AHI1: variants seen among roughly 807,000 people sequenced by gnomAD.
AHI1 encodes the protein Abelson helper integration site 1.
Under a neutral mutation model 149.3 loss-of-function variants are expected in AHI1, and 123 were observed. The observed-to-expected ratio is 0.82, with a 90% CI of 0.71 to 0.96. AHI1 has a LOEUF of 0.96. AHI1 is among the 40% of genes least tolerant of loss of function. The probability of loss-of-function intolerance (pLI) is 0.00; values close to 1 mark genes in which losing one functional copy is unlikely to be tolerated. For synonymous variants in AHI1, 475 were observed against 459.8 expected, an observed-to-expected ratio of 1.03 and a Z score of -0.42; for missense variants, 1,439 against 1,422.7, an observed-to-expected ratio of 1.01 and a Z score of -0.18.
chr6:135,402,353 C>A (rs1327532136), intron 22 of AHI1, among the ~76,000 whole-genome samples: 1 of 152,120 alleles, frequency 6.6e-6, no homozygotes, highest in African/African-American at 2.4e-5. Context: ...TATATCCACA[C>A]CAAAACTTAT....
chr6:135,351,154 A>G (rs1057473667), intron 24 of AHI1, among the ~76,000 whole-genome samples: 3 of 152,058 alleles, frequency 2.0e-5, no homozygotes, highest in African/African-American at 4.8e-5. Flanking sequence ...CAAAAAAAAA[A>G]AAAGAAAGAA....
At chr6:135,476,339 C>T (rs891887747) in intron 5 of AHI1, among the ~76,000 whole-genome samples, 4 of 151,006 alleles carry the variant, frequency 2.6e-5, no homozygotes, top group African/African-American at 7.3e-5. Context: ...TTTTCTTTTA[C>T]ATTTAAAATT....
intron 23 of AHI1, among the ~76,000 whole-genome samples, chr6:135,364,484 C>T (rs530842592): frequency 0.011 from 1,606 of 149,228 alleles, 25 homozygotes; most frequent in African/African-American, 0.038. Context: ...ACTTCCCAGA[C>T]GGGGTGGCGG....
At chr6:135,462,391 T>C (rs13202279) in intron 8 of AHI1, among the ~76,000 whole-genome samples, 2 of 151,758 alleles carry the variant, frequency 1.3e-5, no homozygotes, top group Admixed American at 6.6e-5. Context: ...AGGAAAGAAG[T>C]GGTATTAGGC....
At chr6:135,483,493 C>A (rs4526212) in intron 5 of AHI1, among the ~76,000 whole-genome samples, 47,898 of 152,038 alleles carry the variant, frequency 0.32, 7,817 homozygotes, top group South Asian at 0.42. Context: ...AGGATAAAAT[C>A]AAGATAATAC....
intron 17 of AHI1, 64 bp from the exon 18 acceptor site, chr6:135,430,064 T>A (rs1192073123): frequency 8.3e-6 from 7 of 843,782 alleles, no homozygotes; most frequent in Admixed American, 7.9e-5. Flanking sequence ...TTTTTGGGGG[T>A]ACAAAATTAA....
Position 135,334,373 on chromosome 6 carries a change from T to C in AHI1, c.3166-11049A>G, listed in dbSNP as rs373343592. ...CTTGTGAAGACACAGCATGATGATG[T>C]CATCTATGAACCAGGAAATGAGCCC... On this transcript the variant is annotated intron_variant, in intron 24 of 28. Transcript: ENST00000265602. 7.9e-5 allele frequency among the ~76,000 whole-genome samples: 12 copies of C among 152,242 alleles called. 1 individual carries two copies. Among genetic ancestry groups the C allele is most frequent in the East Asian group, 1.9e-4 (1 of 5,160 alleles).
In AHI1 at chr6:135,285,092, G is replaced by A. The variant is rs1781539921; in HGVS notation, c.*553C>T. On this transcript the variant is annotated 3_prime_UTR_variant, in exon 29 of 29. Coordinates refer to ENST00000265602, the MANE Select transcript of AHI1 (RefSeq NM_001134831.2). ...CCATGTTGGTCAGGCTGGTGTTGTT[G>A]AACTCCTGACCTTAGGTGATCCACC... The A allele has an allele frequency of 6.5e-6, 1 of 154,770 alleles. No individual in the cohort carries two copies. Among genetic ancestry groups the A allele is most frequent in the African/African-American group, 2.4e-5 (1 of 41,408 alleles). The allele number at this position is 154,770 out of a possible 1,614,324, so 9.6% of individuals were successfully genotyped here.
At chr6:135,455,409 G>C (rs1241055029) in intron 10 of AHI1, among the ~76,000 whole-genome samples, 1 of 152,158 alleles carries the variant, frequency 6.6e-6, no homozygotes, top group Non-Finnish European at 1.5e-5. Flanking sequence ...TTTATGCTTT[G>C]TGAAATGGGT....
rs529980806 is a variant in AHI1, at chr6:135,439,024, T to A, written c.1913-526A>T. Among the ~76,000 whole-genome samples the A allele has an allele frequency of 1.5e-4, 23 of 152,310 alleles. 1 individual carries two copies. In the South Asian group the frequency reaches 1.7e-3, roughly 11 times the overall value. On this transcript the variant is annotated intron_variant, in intron 14 of 28. Coordinates refer to ENST00000265602, the MANE Select transcript of AHI1 (RefSeq NM_001134831.2). The stretch of plus-strand genomic sequence containing the variant: ...ATCAGACACACAAAGCACTGTGGTA[T>A]TTTACTATATGTTTAAACATACAAT...
At chr6:135,429,495 ATAT>A (rs1006831612) in intron 18 of AHI1, among the ~76,000 whole-genome samples, 6 of 151,794 alleles carry the variant, frequency 4.0e-5, no homozygotes, top group East Asian at 3.8e-4. Context: ...TAGTTATATC[ATAT>A]TATACTAATG....
chr6:135,458,278 G>A (rs1362032014), intron 8 of AHI1, among the ~76,000 whole-genome samples: 3 of 152,212 alleles, frequency 2.0e-5, no homozygotes, highest in African/African-American at 4.8e-5. Flanking sequence ...GGTGTGAGCT[G>A]AAGATGAGAG....
intron 27 of AHI1, among the ~76,000 whole-genome samples, chr6:135,296,648 G>A (rs778819284): frequency 2.0e-5 from 3 of 152,032 alleles, no homozygotes; most frequent in Non-Finnish European, 4.4e-5. Context: ...CTTCTCTCAT[G>A]CTCCGATTTA....
intron 5 of AHI1, among the ~76,000 whole-genome samples, chr6:135,485,648 T>A (rs1036165797): frequency 1.1e-4 from 17 of 152,212 alleles, no homozygotes; most frequent in African/African-American, 4.1e-4. Flanking sequence ...GTGATATCTA[T>A]CTGTTAATTT....
chr6:135,335,394 C>A (rs1302374138), intron 24 of AHI1, among the ~76,000 whole-genome samples: 1 of 151,428 alleles, frequency 6.6e-6, no homozygotes, highest in Non-Finnish European at 1.5e-5. Flanking sequence ...CATCAGTTAC[C>A]TATTATCAAA....
intron 15 of AHI1, among the ~76,000 whole-genome samples, chr6:135,437,658 A>C (rs1785612594): frequency 6.6e-6 from 1 of 152,234 alleles, no homozygotes; most frequent in South Asian, 2.1e-4. Flanking sequence ...TTCAGCATGG[A>C]TCTCAACTGT....
chr6:135,358,399 C>CT (rs1336813179), intron 23 of AHI1, among the ~76,000 whole-genome samples: 2 of 152,172 alleles, frequency 1.3e-5, no homozygotes, highest in East Asian at 1.9e-4. Flanking sequence ...TTAGCTAAGC[C>CT]TTTTTTCCCA....
intron 23 of AHI1, among the ~76,000 whole-genome samples, chr6:135,365,025 ATTC>A (rs1321688324): frequency 6.6e-6 from 1 of 152,182 alleles, no homozygotes; most frequent in Non-Finnish European, 1.5e-5. Context: ...ATCCAGTTTC[ATTC>A]TTCTACATGT....
rs1242947963 is a variant in AHI1 at position 135,429,986 on chromosome 6, A to C, written c.2388T>G (p.Thr796=). ...HWTINKEIKE[T]EFKGIPISYL... ...AACTTATTGGAATTCCCTTAAACTC[A>C]GTTTCTTTAATTTCCTAAAATGATT... The change falls in exon 18 of 29, where the codon ACT becomes ACG. Residue 796 remains threonine (T), a synonymous_variant. Transcript: ENST00000265602. 1.4e-5 allele frequency: 21 copies of C among 1,554,252 alleles called. No individual in the cohort carries two copies. Among genetic ancestry groups the C allele is most frequent in the Non-Finnish European group, 1.8e-5 (21 of 1,144,732 alleles).
Sources: gnomAD v4.1 joint callset for allele counts (sites outside exome capture counted in the v4.1 genomes callset) on GRCh38, gnomAD v4.1.1 for gene constraint, MANE v1.5 for transcripts, NCBI Gene and HGNC (gene_info 2026-07-23, HGNC 2026-07-21) for gene names.